The following ARHGAP18 variants were observed in gnomAD, a reference collection of about 807,000 sequenced individuals.
ARHGAP18 encodes the protein rho GTPase-activating protein 18.
A neutral mutation model predicts 86.2 loss-of-function variants in ARHGAP18; 67 were observed. The ratio of observed to expected loss-of-function variants is 0.78; its 90% CI spans 0.64 to 0.95. The LOEUF (loss-of-function observed/expected upper bound fraction) is 0.95. ARHGAP18 is among the 40% of genes least tolerant of loss of function. ARHGAP18 has a pLI of 0.00. For missense variants in ARHGAP18, 691 were observed against 780.4 expected, an observed-to-expected ratio of 0.89 and a Z score of 1.37; for synonymous variants, 283 against 280.4, an observed-to-expected ratio of 1.01 and a Z score of -0.09.
intron 3 of ARHGAP18, among the ~76,000 whole-genome samples, chr6:129,637,931 T>C (rs1326089516): frequency 2.0e-5 from 3 of 152,234 alleles, no homozygotes; most frequent in Non-Finnish European, 4.4e-5. Context: ...GTCTCAAAGT[T>C]CCTGCTTTGT....
At chr6:129,698,488 T>C (rs1774657263) in intron 1 of ARHGAP18, among the ~76,000 whole-genome samples, 1 of 151,950 alleles carries the variant, frequency 6.6e-6, no homozygotes, top group Non-Finnish European at 1.5e-5. Flanking sequence ...AATTGCAAGA[T>C]TTTTCTACAG....
At chr6:129,633,031 T>C (rs1004118952) in intron 4 of ARHGAP18, among the ~76,000 whole-genome samples, 2 of 152,170 alleles carry the variant, frequency 1.3e-5, no homozygotes, top group Non-Finnish European at 2.9e-5. Context: ...AAGGACTACA[T>C]TTTTAAGCTT....
At position 129,642,022 on chromosome 6, in the gene ARHGAP18, T is replaced by C. The variant is rs1294770838; in HGVS notation, c.114-4A>G. 6.2e-7 allele frequency: 1 copy of C among 1,612,744 alleles called. No homozygotes were observed. The highest frequency in any genetic ancestry group is 1.7e-5 in the Admixed American group (1 of 59,832). On this transcript the variant is annotated splice_polypyrimidine_tract_variant and splice_region_variant and intron_variant, in intron 1 of 14. Coordinates refer to ENST00000368149, the MANE Select transcript of ARHGAP18 (RefSeq NM_033515.3). Reference sequence around the variant, plus strand: ...AGTGTACTGGCCATATCTGCGACTGTAAATTCAAAAGAACCCATGGTTTAT... The same window carrying C: ...AGTGTACTGGCCATATCTGCGACTGCAAATTCAAAAGAACCCATGGTTTAT...
At chr6:129,626,204 T>C (rs1413223280) in intron 5 of ARHGAP18, among the ~76,000 whole-genome samples, 3 of 150,142 alleles carry the variant, frequency 2.0e-5, no homozygotes, top group East Asian at 2.0e-4. Context: ...ACAATGTATC[T>C]AATAAAAAGA....
chr6:129,602,987 TTATA>T (rs34563210), intron 10 of ARHGAP18, among the ~76,000 whole-genome samples: 1 of 146,826 alleles, frequency 6.8e-6, no homozygotes, highest in South Asian at 2.2e-4. Flanking sequence ...AATTTCCCCT[TTATA>T]TATATATATA....
intron 2 of ARHGAP18, among the ~76,000 whole-genome samples, chr6:129,641,565 AAGCTATGATAC>A (rs1773464731): frequency 6.6e-6 from 1 of 152,172 alleles, no homozygotes; most frequent in East Asian, 1.9e-4. Context: ...TAACTCTAAA[AAGCTATGATAC>A]AGTGAGCTTA....
chr6:129,704,639 A>C (rs1774774690), intron 1 of ARHGAP18, among the ~76,000 whole-genome samples: 1 of 151,960 alleles, frequency 6.6e-6, no homozygotes, highest in Admixed American at 6.6e-5. Flanking sequence ...ATGTCAAAAG[A>C]TTCCACTGCT....
chr6:129,682,060 T>C (rs1463252364), intron 1 of ARHGAP18, among the ~76,000 whole-genome samples: 1 of 152,252 alleles, frequency 6.6e-6, no homozygotes, highest in Non-Finnish European at 1.5e-5. Flanking sequence ...AGAATCATTA[T>C]GTGGTTTTTA....
At chr6:129,695,350 A>T (rs1448340836) in intron 1 of ARHGAP18, among the ~76,000 whole-genome samples, 1 of 151,834 alleles carries the variant, frequency 6.6e-6, no homozygotes, top group Admixed American at 6.6e-5. Context: ...TTTTTAATGG[A>T]ACACCTGTTA....
intron 1 of ARHGAP18, among the ~76,000 whole-genome samples, chr6:129,663,991 G>A (rs1773996438): frequency 1.3e-5 from 2 of 152,254 alleles, no homozygotes; most frequent in African/African-American, 4.8e-5. Flanking sequence ...TCTCTGAGCA[G>A]GCAGCAGGTG....
intron 1 of ARHGAP18, among the ~76,000 whole-genome samples, chr6:129,669,603 C>T (rs1357423509): frequency 6.6e-6 from 1 of 151,616 alleles, no homozygotes; most frequent in African/African-American, 2.4e-5. Context: ...CTGACCAACA[C>T]GGAGAAACCC....
At chr6:129,621,462 G>A (rs1478051145) in intron 5 of ARHGAP18, among the ~76,000 whole-genome samples, 1 of 152,088 alleles carries the variant, frequency 6.6e-6, no homozygotes, top group Non-Finnish European at 1.5e-5. Context: ...GGGCAGGATG[G>A]CCTCCATGGG....
intron 1 of ARHGAP18, among the ~76,000 whole-genome samples, chr6:129,702,660 A>T (rs1456265881): frequency 1.3e-5 from 2 of 152,134 alleles, no homozygotes; most frequent in African/African-American, 4.8e-5. Context: ...CACCACTAGG[A>T]TGATGACAGA....
intron 5 of ARHGAP18, among the ~76,000 whole-genome samples, chr6:129,620,398 G>T (rs925551425): frequency 6.6e-6 from 1 of 152,190 alleles, no homozygotes; most frequent in East Asian, 1.9e-4. Flanking sequence ...TTTCACTGCT[G>T]AATAAAGTGG....
At chr6:129,579,751 C>T (rs1217627580) in intron 14 of ARHGAP18, among the ~76,000 whole-genome samples, 2 of 152,116 alleles carry the variant, frequency 1.3e-5, no homozygotes, top group African/African-American at 4.8e-5. Context: ...CAACTACTTC[C>T]TTTACTATGT....
chr6:129,700,279 A>C (rs78263175), intron 1 of ARHGAP18, among the ~76,000 whole-genome samples: 2,693 of 151,730 alleles, frequency 0.018, 36 homozygotes, highest in Non-Finnish European at 0.026. Flanking sequence ...TCTTTGAGGA[A>C]CAGGTGCAAA....
rs76445674 is a variant in ARHGAP18, at chr6:129,709,398, T to A, written c.113+626A>T. Among the ~76,000 whole-genome samples the A allele has an allele frequency of 3.5e-3, 530 of 152,296 alleles. 2 individuals are homozygous for A. The highest frequency in any genetic ancestry group is 0.012 in the African/African-American group (496 of 41,556). On this transcript the variant is annotated intron_variant, in intron 1 of 14. Coordinates refer to ENST00000368149, the MANE Select transcript of ARHGAP18 (RefSeq NM_033515.3). ...TGCCCTCTCTGCCTATAAAGTGATT[T>A]AACATTAACCACATTTCACTCCAGC...
At chr6:129,612,985 G>A (rs1789009900) in intron 7 of ARHGAP18, among the ~76,000 whole-genome samples, 1 of 152,056 alleles carries the variant, frequency 6.6e-6, no homozygotes. Context: ...TGTAATCCCA[G>A]CACTTTGGGA....
At chr6:129,611,738 G>A in intron 7 of ARHGAP18, 128 bp from the exon 8 acceptor site, 3 of 724,478 alleles carry the variant, frequency 4.1e-6, no homozygotes, top group South Asian at 1.9e-5. Context: ...ATGAGGTTTT[G>A]AATGCTATTT....
Sources: allele counts gnomAD v4.1 joint callset (sites outside exome capture counted in the v4.1 genomes callset), GRCh38; gene constraint gnomAD v4.1.1; transcripts MANE v1.5; gene names NCBI Gene and HGNC (gene_info 2026-07-23, HGNC 2026-07-21).